Variants in SLC13A4 observed in about 807,000 individuals in gnomAD.
SLC13A4 encodes solute carrier family 13 member 4, also known as Na(+)/sulfate cotransporter SUT-1.
In SLC13A4, 28 loss-of-function variants were observed where a neutral mutation model predicts 72.7. That is an observed-to-expected ratio of 0.39 (90% CI 0.29 to 0.53). The LOEUF (loss-of-function observed/expected upper bound fraction) is 0.53, where lower values mean the gene tolerates loss of function less well. SLC13A4 is among the 20% of genes least tolerant of loss of function. The probability of loss-of-function intolerance (pLI) is 0.78; values close to 1 mark genes in which losing one functional copy is unlikely to be tolerated. For missense variants in SLC13A4, 653 were observed against 788.0 expected, an observed-to-expected ratio of 0.83 and a Z score of 2.05; for synonymous variants, 312 against 325.5, an observed-to-expected ratio of 0.96 and a Z score of 0.45.
At chr7:135,687,519 TTC>T (rs1454596563) in intron 13 of SLC13A4, among the ~76,000 whole-genome samples, 12 of 152,254 alleles carry the variant, frequency 7.9e-5, no homozygotes, top group Non-Finnish European at 1.2e-4. Flanking sequence ...GCCTTCAGAA[TTC>T]TCTCTGTTGT....
chr7:135,697,827 GCTTT>G (rs1383429506), intron 8 of SLC13A4, among the ~76,000 whole-genome samples: 1 of 151,888 alleles, frequency 6.6e-6, no homozygotes, highest in African/African-American at 2.4e-5. Context: ...CCTACATACT[GCTTT>G]CTTTGTCTGG....
At chr7:135,712,963 C>T (rs752313631) in intron 2 of SLC13A4, among the ~76,000 whole-genome samples, 4 of 152,210 alleles carry the variant, frequency 2.6e-5, no homozygotes, top group Admixed American at 6.5e-5. Flanking sequence ...AGCCTCTTAT[C>T]GCTCTTGCCC....
At position 135,706,311 on chromosome 7, in the gene SLC13A4, G is replaced by A; in HGVS notation, c.366-11C>T. 1.3e-6 allele frequency: 2 copies of A among 1,596,086 alleles called. No individual in the cohort carries two copies. Among genetic ancestry groups the A allele is most frequent in the Non-Finnish European group, 1.7e-6 (2 of 1,168,002 alleles). On this transcript the variant is annotated splice_polypyrimidine_tract_variant and intron_variant, in intron 3 of 15. Transcript: ENST00000682651. The stretch of plus-strand genomic sequence containing the variant: ...AAGCAGAGCAGCAGCCTGGAAGGCA[G>A]GGAGGGTTGGGGCAGAGCGTCCACG...
chr7:135,725,810 T>A (rs969498771), intron 1 of SLC13A4, among the ~76,000 whole-genome samples: 7 of 152,000 alleles, frequency 4.6e-5, no homozygotes, highest in East Asian at 1.9e-4. Context: ...AAAATTTTTT[T>A]AAAAATTAGC....
At position 135,727,449 on chromosome 7, in the gene SLC13A4, G is replaced by A. The variant is rs1366133590; in HGVS notation, c.48C>T (p.Val16=). 7 of 1,550,200 alleles carry A rather than the reference G, an allele frequency of 4.5e-6. No individual in the cohort carries two copies. Among genetic ancestry groups the A allele is most frequent in the Admixed American group, 2.0e-5 (1 of 50,988 alleles). Reference sequence around the variant, plus strand: ...GCAGCAGCAGGAGCGGGACGCAGACGACCAGCAGCAGCTTCCGGACTCGGA... The same window carrying A: ...GCAGCAGCAGGAGCGGGACGCAGACAACCAGCAGCAGCTTCCGGACTCGGA... ...GLLRVRKLLL[V]VCVPLLLLPL... is the part of the protein sequence containing the mutation. Residue 16 remains valine, a synonymous_variant, in exon 1 of 16, where the codon GTC becomes GTT. Transcript: ENST00000682651.
intron 13 of SLC13A4, among the ~76,000 whole-genome samples, chr7:135,686,194 A>G: frequency 6.6e-6 from 1 of 152,190 alleles, no homozygotes; most frequent in East Asian, 1.9e-4. Flanking sequence ...AAGGAGATGA[A>G]CAGGCAGGGC....
At chr7:135,696,628 C>T (rs923762028) in intron 8 of SLC13A4, among the ~76,000 whole-genome samples, 6 of 152,158 alleles carry the variant, frequency 3.9e-5, no homozygotes, top group African/African-American at 9.7e-5. Context: ...GCTGGGATTA[C>T]GGGCATGAGC....
chr7:135,683,745 C>G, intron 15 of SLC13A4: 1 of 985,428 alleles, frequency 1.0e-6, no homozygotes, highest in Non-Finnish European at 1.2e-6. Flanking sequence ...CATACACTTC[C>G]TCATTCTCAT....
At chr7:135,708,286 G>T (rs1351711535) in intron 2 of SLC13A4, 36 bp from the exon 3 acceptor site, 1 of 1,612,958 alleles carries the variant, frequency 6.2e-7, no homozygotes, top group Admixed American at 1.7e-5. Context: ...CACCCTCCCG[G>T]ACCAAAGACC....
chr7:135,682,263 T>G (rs906374036), intron 15 of SLC13A4, among the ~76,000 whole-genome samples: 1 of 152,238 alleles, frequency 6.6e-6, no homozygotes, highest in African/African-American at 2.4e-5. Context: ...GAGCCTTTGC[T>G]TCTTTCCTCT....
intron 2 of SLC13A4, among the ~76,000 whole-genome samples, chr7:135,716,074 G>A (rs558935501): frequency 6.6e-6 from 1 of 152,092 alleles, no homozygotes; most frequent in South Asian, 2.1e-4. Context: ...ATACAGAACG[G>A]GAAATTCCTT....
At chr7:135,705,708 G>A in intron 4 of SLC13A4, 58 bp from the exon 5 acceptor site, 2 of 1,510,716 alleles carry the variant, frequency 1.3e-6, no homozygotes, top group Non-Finnish European at 1.8e-6. Context: ...TGACCCTGTG[G>A]GTTGGAGCAT....
intron 15 of SLC13A4, chr7:135,683,488 G>C (rs3110792): frequency 0.62 from 605,224 of 970,520 alleles, 185,664 homozygotes; most frequent in East Asian, 0.86. Context: ...CTCCCCCCCC[G>C]CTCAGCCCTG....
chr7:135,687,125 C>T (rs1188042049), intron 13 of SLC13A4, among the ~76,000 whole-genome samples: 1 of 152,154 alleles, frequency 6.6e-6, no homozygotes, highest in Non-Finnish European at 1.5e-5. Flanking sequence ...AGATGTTCAC[C>T]TGCAAATAGG....
Position 135,691,627 on chromosome 7 carries a change from A to G in SLC13A4, c.1242T>C (p.Asp414=). Residue 414 remains aspartate, a synonymous_variant, in exon 12 of 16, where the codon GAT becomes GAC. Coordinates refer to ENST00000682651, the MANE Select transcript of SLC13A4 (RefSeq NM_001318192.2). ...AGCCAAGGAAGACAGAGACTGTGGC[A>G]TCAGTACGGTAGCCTTTCCTAGTAA... ...SFFEKKGYRT[D]ATVSVFLGFL... is the part of the protein sequence containing the mutation. The G allele has an allele frequency of 1.2e-6, 2 of 1,613,452 alleles. No individual in the cohort carries two copies. Among genetic ancestry groups the G allele is most frequent in the Middle Eastern group, 3.3e-4 (2 of 6,062 alleles).
At chr7:135,684,758 C>G (rs546763449) in intron 14 of SLC13A4, among the ~76,000 whole-genome samples, 1 of 151,488 alleles carries the variant, frequency 6.6e-6, no homozygotes, top group East Asian at 1.9e-4. Context: ...CTCGCAGGAG[C>G]AAGATGACGG....
intron 7 of SLC13A4, among the ~76,000 whole-genome samples, chr7:135,700,852 G>A (rs1045552798): frequency 3.3e-5 from 5 of 152,162 alleles, no homozygotes; most frequent in African/African-American, 1.2e-4. Context: ...ATCTGGCTGT[G>A]TTTCCCAGGC....
chr7:135,696,382 T>G (rs2129494252), intron 8 of SLC13A4, among the ~76,000 whole-genome samples: 1 of 152,206 alleles, frequency 6.6e-6, no homozygotes, highest in South Asian at 2.1e-4. Context: ...GGAGTCTTGC[T>G]CTGTCGCTTA....
At chr7:135,705,682 A>G (rs372680569) in intron 4 of SLC13A4, 32 bp from the exon 5 acceptor site, 31 of 1,605,266 alleles carry the variant, frequency 1.9e-5, no homozygotes, top group Non-Finnish European at 2.6e-5. Context: ...AGTATGTGAG[A>G]GGTGGAGGCT....
Sources: allele counts gnomAD v4.1 joint callset (sites outside exome capture counted in the v4.1 genomes callset), GRCh38; gene constraint gnomAD v4.1.1; transcripts MANE v1.5; gene names NCBI Gene and HGNC (gene_info 2026-07-23, HGNC 2026-07-21).